Variants in GNG7 observed in about 807,000 individuals in gnomAD.
The protein encoded by GNG7 is guanine nucleotide-binding protein G(I)/G(S)/G(O) subunit gamma-7.
Under a neutral mutation model 4.0 loss-of-function variants are expected in GNG7, and 1 was observed. The observed-to-expected ratio is 0.25, with a 90% CI of 0.09 to 1.18. The LOEUF is 1.18. Among genes scored for constraint, GNG7 ranks in the 50% most tolerant of loss-of-function variants. The pLI is 0.50. For missense variants in GNG7, 86 were observed against 91.9 expected, an observed-to-expected ratio of 0.94 and a Z score of 0.26; for synonymous variants, 34 against 36.9, an observed-to-expected ratio of 0.92 and a Z score of 0.29.
chr19:2,619,549 G>T (rs58615086), intron 2 of GNG7, among the ~76,000 whole-genome samples: 25,518 of 152,174 alleles, frequency 0.17, 3,394 homozygotes, highest in African/African-American at 0.37. Flanking sequence ...TGTCCCACCT[G>T]GTACAGCAAA....
intron 3 of GNG7, among the ~76,000 whole-genome samples, chr19:2,529,334 A>T (rs1978512355): frequency 6.6e-6 from 1 of 152,170 alleles, no homozygotes; most frequent in Non-Finnish European, 1.5e-5. Flanking sequence ...CTCTTGCCTC[A>T]GCCTCCCGGA....
At chr19:2,690,778 A>AAG in intron 1 of GNG7, among the ~76,000 whole-genome samples, 1 of 152,146 alleles carries the variant, frequency 6.6e-6, no homozygotes, top group East Asian at 1.9e-4. Flanking sequence ...ATTGTTAATA[A>AAG]AGACGGGGTT....
rs72976900 is a variant in GNG7 at position 2,614,794 on chromosome 19, A to G, written c.-78+31430T>C. Among the ~76,000 whole-genome samples the G allele has an allele frequency of 4.9e-3, 752 of 152,314 alleles. 4 individuals are homozygous for G. Among genetic ancestry groups the G allele is most frequent in the Middle Eastern group, 0.014 (4 of 294 alleles). ...ACACCTGCTTCCAATTCCTCTGGGCAGATAACTAGGAGCGGAATTGCTGGG... is the reference window on the plus strand; with the variant it reads ...ACACCTGCTTCCAATTCCTCTGGGCGGATAACTAGGAGCGGAATTGCTGGG... On this transcript the variant is annotated intron_variant, in intron 2 of 4. Coordinates refer to ENST00000382159, the MANE Select transcript of GNG7 (RefSeq NM_052847.3). The surrounding 1 kb of genome is among the most constrained non-coding windows in gnomAD (Gnocchi z 6.0).
chr19:2,697,659 T>C (rs1366816792), intron 1 of GNG7, among the ~76,000 whole-genome samples: 4 of 151,954 alleles, frequency 2.6e-5, no homozygotes, highest in Admixed American at 1.3e-4. Flanking sequence ...AAATCAGCCG[T>C]GAAAGGACAC....
chr19:2,513,081 G>T lies in GNG7; in HGVS notation c.*1941C>A. On this transcript the variant is annotated 3_prime_UTR_variant, in exon 5 of 5. Coordinates refer to ENST00000382159, the MANE Select transcript of GNG7 (RefSeq NM_052847.3). ...GCCGGGGGTGGGGAGCCCGGCTGTG[G>T]CCTGTGGGAGCTGCCCGAGGTTGAG... is the stretch of plus-strand genomic sequence containing the variant. The T allele has an allele frequency of 2.0e-6, 2 of 985,618 alleles. No individual in the cohort carries two copies. Among genetic ancestry groups the T allele is most frequent in the Non-Finnish European group, 2.4e-6 (2 of 830,074 alleles). 61.1% of individuals were successfully genotyped at this position (985,618 alleles called of 1,614,324 possible). A position where few individuals can be genotyped will look rare whatever the true frequency, so the allele number is the denominator to read the frequency against.
intron 1 of GNG7, among the ~76,000 whole-genome samples, chr19:2,689,732 A>G (rs193033299): frequency 1.4e-4 from 22 of 152,082 alleles, no homozygotes; most frequent in African/African-American, 5.3e-4. Context: ...ATGCTAAAGT[A>G]CAAAGTTCCA....
chr19:2,535,349 A>C (rs1015475533), intron 3 of GNG7, among the ~76,000 whole-genome samples: 1 of 151,456 alleles, frequency 6.6e-6, no homozygotes, highest in Non-Finnish European at 1.5e-5. Flanking sequence ...AAATACAAAA[A>C]ACTAGTTGGG....
intron 3 of GNG7, among the ~76,000 whole-genome samples, chr19:2,541,017 C>T (rs550735271): frequency 4.6e-5 from 7 of 152,344 alleles, no homozygotes; most frequent in East Asian, 3.9e-4. Context: ...GGGCGGCCTG[C>T]GTAAAAGGAC....
chr19:2,570,630 T>C (rs966764148), intron 2 of GNG7, among the ~76,000 whole-genome samples: 2 of 151,960 alleles, frequency 1.3e-5, no homozygotes, highest in Non-Finnish European at 1.5e-5. Flanking sequence ...AGGAGGAGCT[T>C]GAGAGAGACA....
chr19:2,671,503 C>T (rs560860368), intron 1 of GNG7, among the ~76,000 whole-genome samples: 27 of 152,196 alleles, frequency 1.8e-4, no homozygotes, highest in African/African-American at 5.8e-4. Flanking sequence ...CCCCGAGACC[C>T]GAGAGCTGGG....
chr19:2,641,239 T>C (rs1446367477), intron 2 of GNG7, among the ~76,000 whole-genome samples: 3 of 152,096 alleles, frequency 2.0e-5, no homozygotes, highest in Non-Finnish European at 2.9e-5. Context: ...GGAAGTCGGC[T>C]CTGCTCACCC....
chr19:2,556,882 C>A (rs1336225347), intron 2 of GNG7, among the ~76,000 whole-genome samples: 2 of 152,190 alleles, frequency 1.3e-5, no homozygotes, highest in African/African-American at 4.8e-5. Flanking sequence ...GAGCACCCCC[C>A]AGATGTGTTG....
At chr19:2,550,393 T>C (rs899947306) in intron 3 of GNG7, among the ~76,000 whole-genome samples, 11 of 152,186 alleles carry the variant, frequency 7.2e-5, no homozygotes, top group African/African-American at 2.4e-4. Flanking sequence ...CCCGGCTAAT[T>C]TTTTTATTTT....
At chr19:2,572,645 C>T (rs932961610) in intron 2 of GNG7, among the ~76,000 whole-genome samples, 9 of 147,638 alleles carry the variant, frequency 6.1e-5, no homozygotes, top group Non-Finnish European at 1.2e-4. Flanking sequence ...CCAGGCCGGA[C>T]TACAGTGGCA....
At chr19:2,664,872 G>A (rs764915073) in intron 1 of GNG7, among the ~76,000 whole-genome samples, 2 of 152,030 alleles carry the variant, frequency 1.3e-5, no homozygotes, top group Non-Finnish European at 2.9e-5. Flanking sequence ...TCCACGCCAC[G>A]ACCATCCTCA....
intron 3 of GNG7, among the ~76,000 whole-genome samples, chr19:2,553,887 T>G (rs1038388487): frequency 4.1e-5 from 6 of 146,348 alleles, no homozygotes; most frequent in Admixed American, 1.4e-4. Flanking sequence ...CATGTACATA[T>G]TCTATGTAAT....
intron 2 of GNG7, among the ~76,000 whole-genome samples, chr19:2,586,744 G>A (rs1980685461): frequency 6.6e-6 from 1 of 152,042 alleles, no homozygotes; most frequent in South Asian, 2.1e-4. Context: ...CAGCACTTTG[G>A]GAGGCTGAGG....
At chr19:2,588,000 A>G (rs555659814) in intron 2 of GNG7, among the ~76,000 whole-genome samples, 1 of 152,326 alleles carries the variant, frequency 6.6e-6, no homozygotes, top group East Asian at 1.9e-4. Context: ...GTTTCTATTC[A>G]GTATTGTTAT....
chr19:2,544,359 C>G (rs1979057059), intron 3 of GNG7, among the ~76,000 whole-genome samples: 1 of 152,162 alleles, frequency 6.6e-6, no homozygotes, highest in Admixed American at 6.5e-5. Flanking sequence ...CTGCTGTGGG[C>G]ACGAGGGCCT....
Sources: allele counts gnomAD v4.1 joint callset (sites outside exome capture counted in the v4.1 genomes callset), GRCh38; gene constraint gnomAD v4.1.1; non-coding constraint Gnocchi (gnomAD v3.1); transcripts MANE v1.5; gene names NCBI Gene and HGNC (gene_info 2026-07-23, HGNC 2026-07-21).